The following DOCK10 variants were observed in gnomAD, a reference collection of about 807,000 sequenced individuals.
DOCK10 encodes the protein dedicator of cytokinesis 10, also known as dedicator of cytokinesis protein 10.
In DOCK10, 145 loss-of-function variants were observed where a neutral mutation model predicts 280.1. The observed-to-expected ratio is 0.52, with a 90% confidence interval of 0.45 to 0.59. DOCK10 has a LOEUF of 0.59. Among genes scored for constraint, DOCK10 ranks in the 20% least tolerant of loss-of-function variants. The pLI is 0.00. For synonymous variants in DOCK10, 915 were observed against 942.2 expected (o/e 0.97, Z 0.53); for missense variants, 2,368 against 2,651.7 (o/e 0.89, Z 2.35).
chr2:224,918,218 T>C (rs1205600327), intron 2 of DOCK10, among the ~76,000 whole-genome samples: 3 of 152,246 alleles, frequency 2.0e-5, no homozygotes, highest in South Asian at 2.1e-4. Flanking sequence ...TGTTCACTTA[T>C]AACCTCAGTG....
chr2:224,796,936 A>G (rs200113171), intron 43 of DOCK10, 28 bp downstream of exon 43: 19 of 1,601,388 alleles, frequency 1.2e-5, no homozygotes, highest in Non-Finnish European at 8.5e-7. Flanking sequence ...TTTTAACAAC[A>G]GCATTAATGA....
At chr2:225,018,150 A>G (rs1292463980) in intron 1 of DOCK10, among the ~76,000 whole-genome samples, 1 of 152,198 alleles carries the variant, frequency 6.6e-6, no homozygotes, top group Non-Finnish European at 1.5e-5. Context: ...TTTTTATAGT[A>G]CAGTACATCA....
At position 224,838,130 on chromosome 2, in the gene DOCK10, G is replaced by T. The variant is rs1015421714; in HGVS notation, c.2781-299C>A. 1.1e-4 allele frequency among the ~76,000 whole-genome samples: 17 copies of T among 152,180 alleles called. 1 individual carries two copies. Among genetic ancestry groups the T allele is most frequent in the African/African-American group, 4.1e-4 (17 of 41,454 alleles). On this transcript the variant is annotated intron_variant, in intron 24 of 55. Coordinates refer to ENST00000258390, the MANE Select transcript of DOCK10 (RefSeq NM_014689.3). ...GAGACTTTTTGTCCAAGTTGAATGT[G>T]CTAATTATGGTCTGTGCGTTTTTGA... is the stretch of plus-strand genomic sequence containing the variant.
intron 1 of DOCK10, among the ~76,000 whole-genome samples, chr2:224,945,444 T>C (rs901808101): frequency 6.6e-6 from 1 of 152,098 alleles, no homozygotes; most frequent in Non-Finnish European, 1.5e-5. Context: ...CTACATTTAA[T>C]GTGAACAAGG....
intron 1 of DOCK10, among the ~76,000 whole-genome samples, chr2:225,014,076 A>AATATATATATATATATATAT (rs770548693): frequency 1.1e-5 from 1 of 87,732 alleles, no homozygotes; most frequent in African/African-American, 3.5e-5. Context: ...CAGAAGTCTG[A>AATATATATATATATATATAT]ATATATTGTT....
At chr2:225,032,071 T>G (rs1426985354) in intron 1 of DOCK10, among the ~76,000 whole-genome samples, 4 of 152,182 alleles carry the variant, frequency 2.6e-5, no homozygotes, top group African/African-American at 7.2e-5. Flanking sequence ...TCAGATATCT[T>G]AATCAATAAT....
At chr2:225,006,453 C>G (rs547055300) in intron 1 of DOCK10, among the ~76,000 whole-genome samples, 1 of 152,280 alleles carries the variant, frequency 6.6e-6, no homozygotes, top group African/African-American at 2.4e-5. Flanking sequence ...TGTCGACATA[C>G]CTCCCATTTA....
intron 4 of DOCK10, among the ~76,000 whole-genome samples, chr2:224,895,856 T>TAG (rs1699958279): frequency 3.8e-5 from 4 of 105,796 alleles, no homozygotes; most frequent in Admixed American, 8.0e-5. Context: ...TATATATATA[T>TAG]ATATATGTCT....
intron 2 of DOCK10, among the ~76,000 whole-genome samples, chr2:224,929,403 T>C (rs557749654): frequency 6.6e-6 from 1 of 152,222 alleles, no homozygotes; most frequent in South Asian, 2.1e-4. Context: ...TGTTATAGAA[T>C]AGTATGTTTG....
intron 1 of DOCK10, among the ~76,000 whole-genome samples, chr2:224,943,302 A>G (rs76364746): frequency 6.6e-6 from 1 of 152,254 alleles, no homozygotes; most frequent in Admixed American, 6.5e-5. Flanking sequence ...AACTTTCAAA[A>G]CAACTAAAAA....
intron 31 of DOCK10, among the ~76,000 whole-genome samples, chr2:224,809,620 C>T (rs1037485500): frequency 2.2e-4 from 33 of 152,152 alleles, no homozygotes; most frequent in African/African-American, 7.0e-4. Context: ...TTCAATATCA[C>T]GGATCATCAG....
At chr2:224,856,773 G>A (rs142052801) in intron 15 of DOCK10, 87 bp downstream of exon 15, 11 of 1,274,526 alleles carry the variant, frequency 8.6e-6, no homozygotes, top group Admixed American at 5.3e-5. Context: ...TTGGGTGTTC[G>A]AGAATGAGAT....
chr2:224,793,165 T>G (rs1196443651), intron 46 of DOCK10, 93 bp from the exon 47 acceptor site: 2 of 1,023,300 alleles, frequency 2.0e-6, no homozygotes, highest in African/African-American at 3.2e-5. Context: ...TGATGCATTC[T>G]CGTTTTGAAC....
At chr2:224,865,691 T>A (rs1020813558) in intron 11 of DOCK10, among the ~76,000 whole-genome samples, 4 of 152,284 alleles carry the variant, frequency 2.6e-5, no homozygotes, top group East Asian at 1.9e-4. Context: ...GGAGTTGATA[T>A]CTTAGTTGAA....
chr2:224,889,749 C>G (rs1291494769), intron 4 of DOCK10, among the ~76,000 whole-genome samples: 1 of 152,176 alleles, frequency 6.6e-6, no homozygotes, highest in African/African-American at 2.4e-5. Flanking sequence ...AAAAATATTC[C>G]TTTTCTCCTT....
chr2:224,773,154 C>T lies in DOCK10; in HGVS notation c.6204+3G>A. 4.4e-6 allele frequency: 7 copies of T among 1,606,190 alleles called. No homozygotes were observed. Among genetic ancestry groups the T allele is most frequent in the African/African-American group, 1.3e-5 (1 of 74,984 alleles). On this transcript the variant is annotated splice_donor_region_variant and intron_variant, in intron 53 of 55. Coordinates refer to ENST00000258390, the MANE Select transcript of DOCK10 (RefSeq NM_014689.3). The stretch of plus-strand genomic sequence containing the variant: ...ATCTCAGCCCTGGGCAATGCTTACT[C>T]ACCTTCACGCTGACACTTCCTTGCA...
chr2:224,813,548 G>A (rs747700601), intron 31 of DOCK10, among the ~76,000 whole-genome samples: 4 of 152,140 alleles, frequency 2.6e-5, no homozygotes, highest in Admixed American at 6.5e-5. Flanking sequence ...ACTAGCACCC[G>A]TGTATACAAC....
chr2:224,963,653 G>A (rs1704570545), intron 1 of DOCK10, among the ~76,000 whole-genome samples: 1 of 152,212 alleles, frequency 6.6e-6, no homozygotes, highest in Non-Finnish European at 1.5e-5. Flanking sequence ...TGACGAGAAC[G>A]TGATGCTAAG....
In DOCK10 at chr2:224,807,692, A is replaced by AG. The variant is rs1375408360; in HGVS notation, c.3677dup (p.Thr1228TyrfsTer6). On this transcript the variant is annotated frameshift_variant, in exon 33 of 56. Transcript: ENST00000258390. LOFTEE classifies it high-confidence loss of function. ...CCTGATTAGATGTATTGACAGTAAA[A>AG]GGATACAGGTCCTTCAGATAAATCC... is the stretch of plus-strand genomic sequence containing the variant. 1 of 1,566,492 alleles carries AG rather than the reference A, an allele frequency of 6.4e-7. No individual in the cohort carries two copies. Among genetic ancestry groups the AG allele is most frequent in the Non-Finnish European group, 8.7e-7 (1 of 1,153,160 alleles).
Sources: gnomAD v4.1 joint callset for allele counts (sites outside exome capture counted in the v4.1 genomes callset) on GRCh38, gnomAD v4.1.1 for gene constraint, MANE v1.5 for transcripts, NCBI Gene and HGNC (gene_info 2026-07-23, HGNC 2026-07-21) for gene names.